SMOC2: variants seen among roughly 807,000 people sequenced by gnomAD.
SMOC2 encodes SPARC-related modular calcium-binding protein 2.
A neutral mutation model predicts 61.4 loss-of-function variants in SMOC2; 39 were observed. The observed-to-expected ratio is 0.64, with a 90% CI of 0.49 to 0.83. SMOC2 has a LOEUF of 0.83. Among genes scored for constraint, SMOC2 ranks in the 40% least tolerant of loss-of-function variants. The probability of loss-of-function intolerance (pLI) is 0.00; values close to 1 mark genes in which losing one functional copy is unlikely to be tolerated. For synonymous variants in SMOC2, 247 were observed against 239.9 expected (o/e 1.03, Z -0.27); for missense variants, 556 against 592.9 (o/e 0.94, Z 0.65).
intron 1 of SMOC2, among the ~76,000 whole-genome samples, chr6:168,483,834 G>T (rs531051877): frequency 1.3e-5 from 2 of 152,090 alleles, no homozygotes; most frequent in Non-Finnish European, 2.9e-5. Context: ...AAGGCCATTC[G>T]TTGGAAAGAG....
chr6:168,510,334 GTT>G (rs946934175), intron 2 of SMOC2, among the ~76,000 whole-genome samples: 1 of 152,140 alleles, frequency 6.6e-6, no homozygotes, highest in Non-Finnish European at 1.5e-5. Context: ...AAATATTTCA[GTT>G]TTTTTCCCCA....
chr6:168,453,386 G>A lies in SMOC2; in HGVS notation c.84+11932G>A. ...GTCTACCCTGGAGTTCAACAAAAAG[G>A]AGAAAAGAATTTCCCTGGCAAAGCC... On this transcript the variant is annotated intron_variant, in intron 1 of 12. Coordinates refer to ENST00000356284, the MANE Select transcript of SMOC2 (RefSeq NM_001166412.2). The surrounding 1 kb of genome is among the most constrained non-coding windows in gnomAD (Gnocchi z 4.4). 6.6e-6 allele frequency among the ~76,000 whole-genome samples: 1 copy of A among 152,172 alleles called. No homozygotes were observed. Among genetic ancestry groups the A allele is most frequent in the East Asian group, 1.9e-4 (1 of 5,180 alleles).
At chr6:168,539,624 C>G (rs549823315) in intron 4 of SMOC2, among the ~76,000 whole-genome samples, 1 of 152,366 alleles carries the variant, frequency 6.6e-6, no homozygotes, top group Non-Finnish European at 1.5e-5. Flanking sequence ...GCCAGATGGG[C>G]AAGCCCAGTG....
At chr6:168,483,677 C>T (rs1380787367) in intron 1 of SMOC2, among the ~76,000 whole-genome samples, 1 of 152,118 alleles carries the variant, frequency 6.6e-6, no homozygotes, top group African/African-American at 2.4e-5. Flanking sequence ...ACTGAGTACT[C>T]TCACTTTGTG....
intron 7 of SMOC2, among the ~76,000 whole-genome samples, chr6:168,566,132 G>A (rs958454623): frequency 7.9e-5 from 12 of 152,074 alleles, no homozygotes; most frequent in African/African-American, 2.2e-4. Context: ...ATGGCAATGC[G>A]TCTACCACCT....
chr6:168,493,833 A>T (rs979015070), intron 1 of SMOC2, among the ~76,000 whole-genome samples: 1 of 152,244 alleles, frequency 6.6e-6, no homozygotes, highest in African/African-American at 2.4e-5. Context: ...TATTTATTTC[A>T]TCAGACATAT....
chr6:168,609,326 A>G (rs1030371644), intron 9 of SMOC2, among the ~76,000 whole-genome samples: 11 of 152,156 alleles, frequency 7.2e-5, no homozygotes, highest in Middle Eastern at 3.4e-3. Flanking sequence ...CTTGTGAGGC[A>G]GGTTTGAGGA....
chr6:168,642,432 T>C (rs59236185), intron 9 of SMOC2, among the ~76,000 whole-genome samples: 18,520 of 152,300 alleles, frequency 0.12, 1,358 homozygotes, highest in Non-Finnish European at 0.17. Context: ...CAGAAACCTT[T>C]AGGCTGAACT....
At chr6:168,520,553 C>A (rs1179597431) in intron 2 of SMOC2, among the ~76,000 whole-genome samples, 1 of 152,238 alleles carries the variant, frequency 6.6e-6, no homozygotes, top group Non-Finnish European at 1.5e-5. Flanking sequence ...ATTCAGTGAC[C>A]TCGCGAGATC....
intron 1 of SMOC2, among the ~76,000 whole-genome samples, chr6:168,487,246 C>T (rs1023059109): frequency 7.2e-5 from 11 of 152,164 alleles, no homozygotes; most frequent in African/African-American, 2.7e-4. Flanking sequence ...ATCTCAGCTG[C>T]GGATGGGGAA....
At chr6:168,536,004 C>T (rs774108320) in intron 4 of SMOC2, among the ~76,000 whole-genome samples, 3 of 152,236 alleles carry the variant, frequency 2.0e-5, no homozygotes, top group Non-Finnish European at 1.5e-5. Context: ...GATTCTGGCT[C>T]GAATTTTCAC....
intron 7 of SMOC2, among the ~76,000 whole-genome samples, chr6:168,574,627 A>G (rs1784753072): frequency 1.3e-5 from 2 of 152,134 alleles, no homozygotes; most frequent in African/African-American, 4.8e-5. Context: ...GGCCTGAGCA[A>G]TTCTGCCTGA....
At chr6:168,472,618 A>C (rs1441405170) in intron 1 of SMOC2, among the ~76,000 whole-genome samples, 1 of 152,104 alleles carries the variant, frequency 6.6e-6, no homozygotes, top group Admixed American at 6.5e-5. Context: ...TTCTGATAAG[A>C]CTTTCCGTGT....
At chr6:168,517,136 C>T (rs553057755) in intron 2 of SMOC2, among the ~76,000 whole-genome samples, 14 of 152,320 alleles carry the variant, frequency 9.2e-5, no homozygotes, top group African/African-American at 3.4e-4. Context: ...TTCGTGTCAG[C>T]GCTTCCCTGG....
chr6:168,526,555 C>G, intron 3 of SMOC2, 103 bp downstream of exon 3: 1 of 893,742 alleles, frequency 1.1e-6, no homozygotes, highest in South Asian at 1.4e-5. Flanking sequence ...ACAGAAGAAG[C>G]AGCGGGTTTG....
In SMOC2 at chr6:168,650,710, C is replaced by G. The variant is rs147516678; in HGVS notation, c.937C>G (p.Leu313Val). Residue 313 changes from leucine to valine, a missense_variant, in exon 10 of 13, where the codon CTG becomes GTG. Transcript: ENST00000356284. Reference protein sequence around the residue: ...GCPGAKKHEFLTSVLDALSTD... With the variant: ...GCPGAKKHEFVTSVLDALSTD... ...TCCGGGTGCCAAAAAGCATGAGTTT[C>G]TGACCAGCGTTCTGGACGCGCTGTC... 61 of 1,613,904 alleles carry G rather than the reference C, an allele frequency of 3.8e-5. No homozygotes were observed. In the African/African-American group the frequency reaches 7.5e-4, roughly 20 times the overall value.
At chr6:168,490,527 C>T (rs1031578920) in intron 1 of SMOC2, among the ~76,000 whole-genome samples, 9 of 152,150 alleles carry the variant, frequency 5.9e-5, no homozygotes, top group Non-Finnish European at 1.2e-4. Context: ...AGTGGCAACT[C>T]GGAAGCAAAG....
intron 9 of SMOC2, among the ~76,000 whole-genome samples, chr6:168,649,592 C>T (rs1270647862): frequency 6.6e-6 from 1 of 152,178 alleles, no homozygotes; most frequent in Admixed American, 6.5e-5. Context: ...TAACAAGCTC[C>T]GTTTGTCACC....
chr6:168,639,772 T>C (rs1786844576), intron 9 of SMOC2, among the ~76,000 whole-genome samples: 2 of 152,218 alleles, frequency 1.3e-5, no homozygotes, highest in South Asian at 4.1e-4. Context: ...TTTCTCAGAC[T>C]CGCTGCTACT....
Sources: allele counts gnomAD v4.1 joint callset (sites outside exome capture counted in the v4.1 genomes callset), GRCh38; gene constraint gnomAD v4.1.1; non-coding constraint Gnocchi (gnomAD v3.1); transcripts MANE v1.5; gene names NCBI Gene and HGNC (gene_info 2026-07-23, HGNC 2026-07-21).